The following CEP83 variants were observed in gnomAD, a reference collection of about 807,000 sequenced individuals.
CEP83 encodes centrosomal protein of 83 kDa.
CEP83 carries 70 observed loss-of-function variants against 101.9 expected under a neutral mutation model. The observed-to-expected ratio is 0.69, with a 90% CI of 0.57 to 0.84. The LOEUF (loss-of-function observed/expected upper bound fraction) is 0.84. Among genes scored for constraint, CEP83 ranks in the 40% least tolerant of loss-of-function variants. CEP83 has a pLI of 0.00. For synonymous variants in CEP83, 264 were observed against 267.9 expected (o/e 0.99, Z 0.14); for missense variants, 715 against 787.2 (o/e 0.91, Z 1.10).
At chr12:94,402,516 G>A (rs762385613) in intron 5 of CEP83, among the ~76,000 whole-genome samples, 1 of 152,124 alleles carries the variant, frequency 6.6e-6, no homozygotes, top group Non-Finnish European at 1.5e-5. Flanking sequence ...GTCAAAGTAG[G>A]CCCCATTGAG....
chr12:94,418,879 A>G (rs570709189), intron 2 of CEP83, among the ~76,000 whole-genome samples: 19 of 152,302 alleles, frequency 1.2e-4, no homozygotes, highest in South Asian at 8.3e-4. Context: ...AAGTGCATCA[A>G]TCTCATCAAA....
At chr12:94,350,701 G>A (rs1325502779) in intron 11 of CEP83, among the ~76,000 whole-genome samples, 1 of 151,860 alleles carries the variant, frequency 6.6e-6, no homozygotes, top group African/African-American at 2.4e-5. Context: ...AAACCCTACA[G>A]AATAGGAGAA....
At chr12:94,415,988 T>C (rs1464724886) in intron 2 of CEP83, among the ~76,000 whole-genome samples, 1 of 151,978 alleles carries the variant, frequency 6.6e-6, no homozygotes, top group Non-Finnish European at 1.5e-5. Context: ...AAGACCAAGA[T>C]CATACAAGAT....
intron 1 of CEP83, among the ~76,000 whole-genome samples, chr12:94,440,188 C>A (rs2066294732): frequency 6.6e-6 from 1 of 152,084 alleles, no homozygotes; most frequent in African/African-American, 2.4e-5. Context: ...CTAGCCAGAA[C>A]AATCAGACAA....
chr12:94,404,318 C>T (rs1225294814), intron 4 of CEP83, among the ~76,000 whole-genome samples: 6 of 152,024 alleles, frequency 3.9e-5, no homozygotes, highest in Admixed American at 2.0e-4. Flanking sequence ...AGGCATGACA[C>T]GTCAAAGGAA....
the CEP83 span, among the ~76,000 whole-genome samples, chr12:94,283,549 G>A: frequency 6.6e-6 from 1 of 152,194 alleles, no homozygotes; most frequent in Non-Finnish European, 1.5e-5. Context: ...TGGCTGTACG[G>A]GAGACGGGAG....
chr12:94,439,992 A>G (rs2066281027), intron 1 of CEP83, among the ~76,000 whole-genome samples: 1 of 152,184 alleles, frequency 6.6e-6, no homozygotes, highest in Admixed American at 6.5e-5. Context: ...AGATCCCTTT[A>G]TGATTAAAAC....
chr12:94,270,841 C>T, the CEP83 span, among the ~76,000 whole-genome samples: 3 of 151,702 alleles, frequency 2.0e-5, no homozygotes, highest in Non-Finnish European at 4.4e-5. Context: ...AGTAGCAGAT[C>T]CCTTGATCCA....
intron 14 of CEP83, among the ~76,000 whole-genome samples, chr12:94,314,683 G>A (rs1243288902): frequency 6.6e-6 from 1 of 152,154 alleles, no homozygotes; most frequent in Non-Finnish European, 1.5e-5. Flanking sequence ...TCATTCTCAT[G>A]CTTTGATTGT....
intron 1 of CEP83, among the ~76,000 whole-genome samples, chr12:94,444,122 G>A (rs1040861933): frequency 6.6e-6 from 1 of 152,174 alleles, no homozygotes; most frequent in East Asian, 1.9e-4. Flanking sequence ...CCTCAGGCCG[G>A]GCGTGGTGGC....
At chr12:94,460,235 A>G (rs2068051550), upstream of CEP83, 1 of 152,476 alleles carries the variant, frequency 6.6e-6, no homozygotes, top group Non-Finnish European at 1.5e-5. Context: ...TTGGAGCGCG[A>G]AGCCGGTCTC....
chr12:94,292,250 T>C, the CEP83 span, among the ~76,000 whole-genome samples: 8 of 152,142 alleles, frequency 5.3e-5, no homozygotes, highest in Non-Finnish European at 1.0e-4. Flanking sequence ...AATTCATAAA[T>C]GGTGATGGAA....
At chr12:94,303,909 A>G, downstream of CEP83, 1 of 1,607,908 alleles carries the variant, frequency 6.2e-7, no homozygotes, top group Non-Finnish European at 8.5e-7. Context: ...ATCATTAGAA[A>G]GCAGAAATAA....
intron 6 of CEP83, among the ~76,000 whole-genome samples, chr12:94,400,451 C>T (rs1346817744): frequency 1.3e-5 from 2 of 152,134 alleles, no homozygotes. Flanking sequence ...TATCAAAGTG[C>T]ACAGGCTGAC....
At chr12:94,294,911 G>A in the CEP83 span, among the ~76,000 whole-genome samples, 1,437 of 152,170 alleles carry the variant, frequency 9.4e-3, 21 homozygotes, top group African/African-American at 0.031. Context: ...ACAGAGCCCC[G>A]AAGCAAGCGC....
At chr12:94,383,109 CTCTT>C (rs1454689837) in intron 6 of CEP83, among the ~76,000 whole-genome samples, 2 of 151,962 alleles carry the variant, frequency 1.3e-5, no homozygotes, top group Non-Finnish European at 2.9e-5. Flanking sequence ...ACTATATAAT[CTCTT>C]TCTATATAAA....
intron 11 of CEP83, among the ~76,000 whole-genome samples, chr12:94,360,183 A>C (rs901722085): frequency 1.3e-5 from 2 of 152,188 alleles, no homozygotes; most frequent in Admixed American, 1.3e-4. Context: ...TGAACAAAAA[A>C]ACATTGAAAG....
At chr12:94,459,254 T>C (rs1025476814) in intron 1 of CEP83, among the ~76,000 whole-genome samples, 1 of 152,232 alleles carries the variant, frequency 6.6e-6, no homozygotes, top group Non-Finnish European at 1.5e-5. Flanking sequence ...TCGACATCAC[T>C]GTTCATTCAA....
chr12:94,399,517 T>C (rs2063122850), intron 6 of CEP83, among the ~76,000 whole-genome samples: 1 of 152,204 alleles, frequency 6.6e-6, no homozygotes, highest in Non-Finnish European at 1.5e-5. Context: ...CGAGATCAGC[T>C]GGGGCAACAT....
Sources: allele counts gnomAD v4.1 joint callset (sites outside exome capture counted in the v4.1 genomes callset), GRCh38; gene constraint gnomAD v4.1.1; transcripts MANE v1.5; gene names NCBI Gene and HGNC (gene_info 2026-07-23, HGNC 2026-07-21).